PCDHA1: variants seen among roughly 807,000 people sequenced by gnomAD.
PCDHA1 encodes protocadherin alpha-1.
A neutral mutation model predicts 61.3 loss-of-function variants in PCDHA1; 42 were observed. That is an observed-to-expected ratio of 0.69 (90% CI 0.54 to 0.89). The LOEUF is 0.89. Ranked by LOEUF, PCDHA1 falls within the 40% of genes least tolerant of loss-of-function variation. The probability of loss-of-function intolerance (pLI) is 0.00; values close to 1 mark genes in which losing one functional copy is unlikely to be tolerated. For synonymous variants in PCDHA1, 610 were observed against 553.8 expected (o/e 1.10, Z -1.43); for missense variants, 1,256 against 1,235.3 (o/e 1.02, Z -0.25).
At chr5:140,821,790 G>C in intron 1 of PCDHA1, 1 of 1,612,306 alleles carries the variant, frequency 6.2e-7, no homozygotes, top group Non-Finnish European at 8.5e-7. Flanking sequence ...TATATTCCCG[G>C]AGAGGAAGTC....
At chr5:140,866,812 C>A (rs1172521123) in intron 1 of PCDHA1, 1 of 152,120 alleles carries the variant, frequency 6.6e-6, no homozygotes, top group Non-Finnish European at 1.5e-5. Context: ...CACAAAGTTC[C>A]TTAATCTTCA....
chr5:140,876,878 C>T (rs1305242755), intron 1 of PCDHA1: 1 of 1,614,118 alleles, frequency 6.2e-7, no homozygotes, highest in Admixed American at 1.7e-5. Context: ...GAGAACAACC[C>T]GCCGGGCTGC....
At chr5:140,944,166 G>A (rs1483002893) in intron 1 of PCDHA1, among the ~76,000 whole-genome samples, 1 of 152,024 alleles carries the variant, frequency 6.6e-6, no homozygotes, top group Non-Finnish European at 1.5e-5. Context: ...AAAGGGCCAA[G>A]GCTGGTTTTT....
intron 1 of PCDHA1, chr5:140,802,304 C>T: frequency 1.9e-6 from 3 of 1,614,232 alleles, no homozygotes; most frequent in Non-Finnish European, 1.7e-6. Flanking sequence ...GCACAGTCAT[C>T]GCTCTGATCA....
chr5:140,961,263 T>A (rs782231630), intron 1 of PCDHA1, among the ~76,000 whole-genome samples: 1 of 152,218 alleles, frequency 6.6e-6, no homozygotes, highest in Non-Finnish European at 1.5e-5. Flanking sequence ...TCCAGGAAGC[T>A]TCTTTTTACC....
At chr5:140,888,173 T>A (rs1231331780) in intron 1 of PCDHA1, among the ~76,000 whole-genome samples, 1 of 152,224 alleles carries the variant, frequency 6.6e-6, no homozygotes, top group African/African-American at 2.4e-5. Context: ...AATAAGATGC[T>A]AGACATTGTG....
At position 140,787,234 on chromosome 5, in the gene PCDHA1, C is replaced by G. The variant is rs782514129; in HGVS notation, c.944C>G (p.Ser315Cys). ...IDKLDYEETK[S>C]YEIQVKAVDK... Reference sequence around the variant, plus strand: ...AAACTGGATTATGAAGAAACAAAATCCTACGAAATTCAAGTAAAGGCAGTT... The same window carrying G: ...AAACTGGATTATGAAGAAACAAAATGCTACGAAATTCAAGTAAAGGCAGTT... The change falls in exon 1 of 4, where the codon TCC (serine) becomes TGC (cysteine). Residue 315 changes from serine to cysteine, a missense_variant. Physicochemically the swap from Ser to Cys is moderately radical, Grantham distance 112 (BLOSUM62 -1). Coordinates refer to ENST00000504120, the MANE Select transcript of PCDHA1 (RefSeq NM_018900.4). The G allele has an allele frequency of 6.2e-7, 1 of 1,614,130 alleles. No individual in the cohort carries two copies. The highest frequency in any genetic ancestry group is 8.5e-7 in the Non-Finnish European group (1 of 1,180,030).
chr5:140,840,060 C>A (rs2150302976), intron 1 of PCDHA1, among the ~76,000 whole-genome samples: 9 of 151,898 alleles, frequency 5.9e-5, no homozygotes, highest in Non-Finnish European at 1.3e-4. Flanking sequence ...AATGTCTTGA[C>A]AATTAGTCAA....
In PCDHA1 at chr5:140,855,851, G is replaced by A. The variant is rs971470534; in HGVS notation, c.2394+67167G>A. On this transcript the variant is annotated intron_variant, in intron 1 of 3. Transcript: ENST00000504120. Reference sequence around the variant, plus strand: ...AATCGTACTTACACCTAAAGCCACCGGATGTCGCTGTCGTCCACAAAATAG... The same window carrying A: ...AATCGTACTTACACCTAAAGCCACCAGATGTCGCTGTCGTCCACAAAATAG... 16 of 668,440 alleles carry A rather than the reference G, an allele frequency of 2.4e-5. No homozygotes were observed. The East Asian group carries it at 3.9e-4, about 16-fold the overall frequency. The allele number at this position is 668,440 out of a possible 1,614,324, so 41.4% of individuals were successfully genotyped here.
Position 140,843,444 on chromosome 5 carries a change from C to G in PCDHA1, c.2394+54760C>G. The G allele has an allele frequency of 1.3e-6, 2 of 1,596,146 alleles. 1 individual carries two copies. ...CTGATCATCGCCATCTGCGCGGTAT[C>G]CAGCCTGCTGGTGCTCACGCTGCTG... On this transcript the variant is annotated intron_variant, in intron 1 of 3. Transcript: ENST00000504120.
intron 1 of PCDHA1, chr5:140,968,425 C>T (rs1195446919): frequency 6.2e-7 from 1 of 1,613,832 alleles, no homozygotes; most frequent in Non-Finnish European, 8.5e-7. Flanking sequence ...AGGCTCAGGA[C>T]AAGGGGAGCC....
At chr5:140,815,583 T>A (rs1203023917) in intron 1 of PCDHA1, 2 of 152,166 alleles carry the variant, frequency 1.3e-5, no homozygotes, top group African/African-American at 2.4e-5. Flanking sequence ...AATCAGATTT[T>A]AAAATATCAG....
At chr5:140,997,302 G>A (rs1430183310) in intron 3 of PCDHA1, among the ~76,000 whole-genome samples, 2 of 152,154 alleles carry the variant, frequency 1.3e-5, no homozygotes, top group Non-Finnish European at 2.9e-5. Flanking sequence ...GATACACTGA[G>A]AAATGTGTCT....
At chr5:140,876,607 T>A in intron 1 of PCDHA1, 1 of 1,614,186 alleles carries the variant, frequency 6.2e-7, no homozygotes, top group Non-Finnish European at 8.5e-7. Context: ...GGATCGTGAC[T>A]CTGGAGCCAA....
At chr5:140,837,468 A>G (rs1775065496) in intron 1 of PCDHA1, among the ~76,000 whole-genome samples, 1 of 151,630 alleles carries the variant, frequency 6.6e-6, no homozygotes, top group African/African-American at 2.4e-5. Context: ...TTGCCTCCTC[A>G]AACCCCAAAC....
intron 1 of PCDHA1, chr5:140,841,122 T>A (rs1777037982): frequency 1.6e-6 from 1 of 640,424 alleles, no homozygotes; most frequent in South Asian, 2.2e-5. Flanking sequence ...CATGTAATCA[T>A]TACCTTTTGA....
chr5:140,950,749 C>G (rs1202993675), intron 1 of PCDHA1, among the ~76,000 whole-genome samples: 5 of 152,002 alleles, frequency 3.3e-5, no homozygotes, highest in African/African-American at 4.8e-5. Flanking sequence ...TTCTCTCTAT[C>G]CTTTCTGGAC....
chr5:140,832,322 A>G (rs187612308), intron 1 of PCDHA1, among the ~76,000 whole-genome samples: 3 of 152,242 alleles, frequency 2.0e-5, no homozygotes, highest in Non-Finnish European at 2.9e-5. Context: ...CTTAAGGGCC[A>G]TTAGAGGACT....
At chr5:140,829,936 A>G in intron 1 of PCDHA1, 2 of 1,613,968 alleles carry the variant, frequency 1.2e-6, no homozygotes, top group Non-Finnish European at 1.7e-6. Context: ...AGCCCCCGGC[A>G]AGCAGCGCTC....
Sources: gnomAD v4.1 joint callset for allele counts (sites outside exome capture counted in the v4.1 genomes callset) on GRCh38, gnomAD v4.1.1 for gene constraint, MANE v1.5 for transcripts, NCBI Gene and HGNC (gene_info 2026-07-23, HGNC 2026-07-21) for gene names.